Variants in RTN1 observed in about 807,000 individuals in gnomAD.
RTN1 encodes reticulon-1.
RTN1 carries 25 observed loss-of-function variants against 65.5 expected under a neutral mutation model. The observed-to-expected ratio is 0.38, with a 90% CI of 0.28 to 0.53. The LOEUF is 0.53. Among genes scored for constraint, RTN1 ranks in the 20% least tolerant of loss-of-function variants. The probability of loss-of-function intolerance (pLI) is 0.79; values close to 1 mark genes in which losing one functional copy is unlikely to be tolerated. For missense variants in RTN1, 983 were observed against 1,025.4 expected (o/e 0.96, Z 0.57); for synonymous variants, 471 against 447.6 (o/e 1.05, Z -0.66).
chr14:59,669,226 C>T (rs1883447866), intron 3 of RTN1, among the ~76,000 whole-genome samples: 1 of 152,110 alleles, frequency 6.6e-6, no homozygotes, highest in African/African-American at 2.4e-5. Context: ...CAATGATAGA[C>T]TGGATTAAGA....
intron 1 of RTN1, among the ~76,000 whole-genome samples, chr14:59,748,214 T>TTTTTG (rs1291648552): frequency 7.9e-5 from 12 of 151,286 alleles, no homozygotes; most frequent in African/African-American, 2.4e-5. Flanking sequence ...TGTGAGGTTT[T>TTTTTG]TTTTTTTTTT....
chr14:59,724,503 C>T (rs947857975), intron 3 of RTN1, among the ~76,000 whole-genome samples: 9 of 152,200 alleles, frequency 5.9e-5, no homozygotes, highest in South Asian at 4.1e-4. Flanking sequence ...AGAAGCTGAC[C>T]GGACCTCACT....
intron 8 of RTN1, among the ~76,000 whole-genome samples, chr14:59,601,002 T>C (rs564248403): frequency 2.6e-5 from 4 of 152,276 alleles, no homozygotes; most frequent in East Asian, 1.9e-4. Flanking sequence ...TAGACTGCCA[T>C]AGTGATCTTT....
intron 1 of RTN1, among the ~76,000 whole-genome samples, chr14:59,792,076 C>T (rs1029007786): frequency 6.6e-6 from 1 of 152,110 alleles, no homozygotes; most frequent in Non-Finnish European, 1.5e-5. Flanking sequence ...TGGAGTCTTA[C>T]ACTTCTTTCT....
intron 3 of RTN1, among the ~76,000 whole-genome samples, chr14:59,693,811 GT>G (rs1244876612): frequency 1.3e-5 from 2 of 152,162 alleles, no homozygotes. Context: ...GTCTTATCAT[GT>G]TTGAGACAAT....
At chr14:59,605,046 T>C (rs190212971) in intron 5 of RTN1, 15 of 180,588 alleles carry the variant, frequency 8.3e-5, no homozygotes, top group Admixed American at 4.3e-4. Flanking sequence ...TGGGAAATTG[T>C]CGGAGGAACT....
chr14:59,636,222 G>A (rs1159748270), intron 3 of RTN1, among the ~76,000 whole-genome samples: 1 of 152,200 alleles, frequency 6.6e-6, no homozygotes, highest in Non-Finnish European at 1.5e-5. Flanking sequence ...TGGAGGTGGG[G>A]CCTGGTGGGA....
intron 8 of RTN1, among the ~76,000 whole-genome samples, chr14:59,597,394 C>T (rs1881435334): frequency 1.3e-5 from 2 of 152,342 alleles, no homozygotes; most frequent in East Asian, 1.9e-4. Context: ...CTAGATATCT[C>T]CAGGGTCCTG....
chr14:59,833,973 A>T (rs540655512), intron 1 of RTN1, among the ~76,000 whole-genome samples: 1 of 152,358 alleles, frequency 6.6e-6, no homozygotes. Flanking sequence ...TTCAAAACTT[A>T]TAAAGCTACA....
intron 3 of RTN1, among the ~76,000 whole-genome samples, chr14:59,620,045 G>A (rs545312448): frequency 9.9e-5 from 15 of 152,128 alleles, no homozygotes; most frequent in African/African-American, 3.6e-4. Flanking sequence ...ATGTTAGAGG[G>A]AAGGGAGGGG....
At chr14:59,634,075 G>A (rs950263922) in intron 3 of RTN1, among the ~76,000 whole-genome samples, 2 of 152,172 alleles carry the variant, frequency 1.3e-5, no homozygotes, top group African/African-American at 4.8e-5. Context: ...ATATTCATTT[G>A]TAGACAAGTG....
At chr14:59,739,319 G>A (rs1184834229) in intron 2 of RTN1, among the ~76,000 whole-genome samples, 5 of 151,986 alleles carry the variant, frequency 3.3e-5, no homozygotes, top group Non-Finnish European at 4.4e-5. Context: ...CCAGGAGTTC[G>A]GGGAGGCCAG....
intron 2 of RTN1, among the ~76,000 whole-genome samples, chr14:59,729,247 T>C (rs533738300): frequency 2.0e-5 from 3 of 152,142 alleles, no homozygotes; most frequent in Non-Finnish European, 2.9e-5. Flanking sequence ...GCAAAGTGAA[T>C]AAGTTGGGAA....
intron 3 of RTN1, among the ~76,000 whole-genome samples, chr14:59,695,069 C>A (rs571464517): frequency 3.3e-4 from 51 of 152,270 alleles, no homozygotes; most frequent in South Asian, 8.3e-4. Context: ...ACCAGCTTCT[C>A]AGAGTATTCT....
chr14:59,743,976 T>C (rs1225009571), intron 2 of RTN1, among the ~76,000 whole-genome samples: 1 of 152,072 alleles, frequency 6.6e-6, no homozygotes, highest in Non-Finnish European at 1.5e-5. Flanking sequence ...GTAGAAAGTG[T>C]TTGTTGCGTG....
At chr14:59,708,488 C>T (rs2139455226) in intron 3 of RTN1, among the ~76,000 whole-genome samples, 1 of 152,358 alleles carries the variant, frequency 6.6e-6, no homozygotes, top group South Asian at 2.1e-4. Context: ...TCTTAACTCA[C>T]ACGGTGATTC....
chr14:59,693,501 C>T (rs1213394605), intron 3 of RTN1, among the ~76,000 whole-genome samples: 3 of 152,102 alleles, frequency 2.0e-5, no homozygotes, highest in East Asian at 3.9e-4. Context: ...TTATCCCTCA[C>T]CCCTTCCCAC....
At chr14:59,845,439 T>C (rs1887391109) in intron 1 of RTN1, among the ~76,000 whole-genome samples, 1 of 152,140 alleles carries the variant, frequency 6.6e-6, no homozygotes, top group African/African-American at 2.4e-5. Context: ...TTCTAATCAC[T>C]GTATTTCCCA....
chr14:59,758,749 A>G (rs1405390302), intron 1 of RTN1, among the ~76,000 whole-genome samples: 5 of 152,150 alleles, frequency 3.3e-5, no homozygotes, highest in African/African-American at 1.2e-4. Context: ...ATCTTTGCAC[A>G]GTCTGTGCAA....
Sources: allele counts gnomAD v4.1 joint callset (sites outside exome capture counted in the v4.1 genomes callset), GRCh38; gene constraint gnomAD v4.1.1; transcripts MANE v1.5; gene names NCBI Gene and HGNC (gene_info 2026-07-23, HGNC 2026-07-21).